The following DDR2 variants were observed in gnomAD, a reference collection of about 807,000 sequenced individuals.
DDR2 encodes the protein discoidin domain receptor tyrosine kinase 2.
In DDR2, 27 loss-of-function variants were observed where a neutral mutation model predicts 94.9. The ratio of observed to expected loss-of-function variants is 0.28; its 90% CI spans 0.21 to 0.39. The LOEUF is 0.39. Among genes scored for constraint, DDR2 ranks in the 10% least tolerant of loss-of-function variants. DDR2 has a pLI of 1.00. For synonymous variants in DDR2, 382 were observed against 377.2 expected, an observed-to-expected ratio of 1.01 and a Z score of -0.15; for missense variants, 783 against 1,076.0, an observed-to-expected ratio of 0.73 and a Z score of 3.81.
chr1:162,728,264 T>C (rs936590779), intron 3 of DDR2, among the ~76,000 whole-genome samples: 1 of 145,206 alleles, frequency 6.9e-6, no homozygotes, highest in Non-Finnish European at 1.5e-5. Context: ...TCCATAAATA[T>C]GTACATAAAT....
chr1:162,729,306 T>TTTTTTTG (rs1558050742), intron 3 of DDR2, among the ~76,000 whole-genome samples: 15 of 77,908 alleles, frequency 1.9e-4, no homozygotes, highest in Non-Finnish European at 2.6e-4. Flanking sequence ...ATATATTTTT[T>TTTTTTTG]TTTTTTTTTT....
intron 7 of DDR2, among the ~76,000 whole-genome samples, chr1:162,759,285 T>C (rs1468219457): frequency 6.6e-6 from 1 of 152,228 alleles, no homozygotes; most frequent in African/African-American, 2.4e-5. Flanking sequence ...ATTGATTCAC[T>C]GAACAATGAC....
intron 2 of DDR2, among the ~76,000 whole-genome samples, chr1:162,664,660 A>G (rs933679414): frequency 6.6e-6 from 1 of 152,226 alleles, no homozygotes; most frequent in Non-Finnish European, 1.5e-5. Context: ...TAATGAAAAT[A>G]TGCCAAATTG....
At chr1:162,728,191 T>C (rs1456694530) in intron 3 of DDR2, among the ~76,000 whole-genome samples, 2 of 144,784 alleles carry the variant, frequency 1.4e-5, no homozygotes, top group Admixed American at 7.0e-5. Context: ...TTTATATATA[T>C]ATAGATAGAT....
At chr1:162,727,659 T>C (rs1228300052) in intron 3 of DDR2, among the ~76,000 whole-genome samples, 1 of 149,262 alleles carries the variant, frequency 6.7e-6, no homozygotes, top group African/African-American at 2.4e-5. Context: ...AGCCAAGCAC[T>C]GTAATAGGTG....
chr1:162,767,193 A>G lies in DDR2; in HGVS notation c.1163-36A>G, dbSNP rs1324309665. ...CTCATACTTTTACTTGACCTGTGAG[A>G]TGATTGTATTCTCTGCCTTCTCTCC... On this transcript the variant is annotated intron_variant, in intron 10 of 17. Transcript: ENST00000367921. 6 of 1,613,702 alleles carry G rather than the reference A, an allele frequency of 3.7e-6. No homozygotes were observed. In the South Asian group the frequency reaches 6.6e-5, roughly 18 times the overall value.
chr1:162,702,101 G>A (rs1339241465), intron 2 of DDR2, among the ~76,000 whole-genome samples: 1 of 152,040 alleles, frequency 6.6e-6, no homozygotes, highest in African/African-American at 2.4e-5. Context: ...CTTTTTATTA[G>A]TTTTAGTTGT....
intron 2 of DDR2, among the ~76,000 whole-genome samples, chr1:162,658,208 G>A (rs189266169): frequency 1.3e-5 from 2 of 152,298 alleles, no homozygotes; most frequent in South Asian, 2.1e-4. Context: ...CTGGTTTTAT[G>A]TATTCTGCTG....
intron 2 of DDR2, among the ~76,000 whole-genome samples, chr1:162,660,220 C>CA (rs1324671888): frequency 1.3e-5 from 2 of 152,076 alleles, no homozygotes; most frequent in African/African-American, 4.8e-5. Flanking sequence ...TTTTCACACT[C>CA]AAAAATCCAT....
chr1:162,658,695 G>A (rs1658141881), intron 2 of DDR2, among the ~76,000 whole-genome samples: 1 of 151,646 alleles, frequency 6.6e-6, no homozygotes, highest in African/African-American at 2.4e-5. Flanking sequence ...AGGTATGATG[G>A]GGCCTGCCTG....
intron 2 of DDR2, among the ~76,000 whole-genome samples, chr1:162,686,260 T>C (rs1659685535): frequency 6.6e-6 from 1 of 152,200 alleles, no homozygotes; most frequent in Non-Finnish European, 1.5e-5. Flanking sequence ...GCAGGTTTGT[T>C]GCATAGGCAT....
chr1:162,650,998 G>A (rs537197094), intron 1 of DDR2, among the ~76,000 whole-genome samples: 49 of 152,164 alleles, frequency 3.2e-4, no homozygotes, highest in Non-Finnish European at 6.3e-4. Context: ...CAAAGTGCTG[G>A]GATTACAGGC....
rs544003302 is a variant in DDR2, at chr1:162,656,846, T to A, written c.-28+1472T>A. ...CCTGCCACTGGAGTTTTTTTTTTTTTTTTATTTTTTTTGTTAACAGGGTTT... is the reference window on the plus strand; with the variant it reads ...CCTGCCACTGGAGTTTTTTTTTTTTATTTATTTTTTTTGTTAACAGGGTTT... On this transcript the variant is annotated intron_variant, in intron 2 of 17. Coordinates refer to ENST00000367921, the MANE Select transcript of DDR2 (RefSeq NM_006182.4). 5.0e-4 allele frequency among the ~76,000 whole-genome samples: 62 copies of A among 123,290 alleles called. 1 individual carries two copies. Among genetic ancestry groups the A allele is most frequent in the African/African-American group, 1.7e-3 (59 of 35,566 alleles). 80.9% of individuals were successfully genotyped at this position (123,290 alleles called of 152,430 possible). A position where few individuals can be genotyped will look rare whatever the true frequency, so the allele number is the denominator to read the frequency against.
chr1:162,743,801 A>G (rs1206388533), intron 3 of DDR2, among the ~76,000 whole-genome samples: 2 of 152,242 alleles, frequency 1.3e-5, no homozygotes, highest in Admixed American at 1.3e-4. Context: ...AATCATCACC[A>G]TAATCAAGAT....
At chr1:162,749,914 T>C (rs994251802) in intron 3 of DDR2, among the ~76,000 whole-genome samples, 10 of 152,136 alleles carry the variant, frequency 6.6e-5, no homozygotes, top group African/African-American at 1.9e-4. Context: ...AAAAACCACA[T>C]GATTATCTCA....
intron 2 of DDR2, among the ~76,000 whole-genome samples, chr1:162,696,590 A>G (rs1660204065): frequency 6.6e-6 from 1 of 151,920 alleles, no homozygotes; most frequent in Non-Finnish European, 1.5e-5. Flanking sequence ...GCTTGAAAAA[A>G]ACACTGATTG....
chr1:162,737,399 A>T (rs1049615833), intron 3 of DDR2, among the ~76,000 whole-genome samples: 4 of 122,776 alleles, frequency 3.3e-5, no homozygotes, highest in African/African-American at 1.2e-4. Flanking sequence ...ATGAGTGAGA[A>T]TATGCGGTGT....
At chr1:162,765,946 A>G in intron 9 of DDR2, 55 bp from the exon 10 acceptor site, 2 of 1,572,398 alleles carry the variant, frequency 1.3e-6, no homozygotes, top group East Asian at 2.2e-5. Flanking sequence ...CCTTCAGAGA[A>G]AACACTAGCT....
intron 3 of DDR2, among the ~76,000 whole-genome samples, chr1:162,719,541 G>A (rs1374241553): frequency 1.3e-5 from 2 of 152,038 alleles, no homozygotes; most frequent in Non-Finnish European, 2.9e-5. Flanking sequence ...ATTTTACTTG[G>A]ATGTCCTGTT....
Sources: gnomAD v4.1 joint callset for allele counts (sites outside exome capture counted in the v4.1 genomes callset) on GRCh38, gnomAD v4.1.1 for gene constraint, MANE v1.5 for transcripts, NCBI Gene and HGNC (gene_info 2026-07-23, HGNC 2026-07-21) for gene names.